The following SLC45A4 variants were observed in gnomAD, a reference collection of about 807,000 sequenced individuals.
SLC45A4 encodes solute carrier family 45 member 4.
In SLC45A4, 32 loss-of-function variants were observed where a neutral mutation model predicts 63.7. The ratio of observed to expected loss-of-function variants is 0.50; its 90% CI spans 0.38 to 0.67. SLC45A4 has a LOEUF of 0.67. Ranked by LOEUF, SLC45A4 falls within the 30% of genes least tolerant of loss-of-function variation. The pLI, the probability that SLC45A4 is intolerant of heterozygous loss-of-function variation, is 0.00. For synonymous variants in SLC45A4, 535 were observed against 510.0 expected (o/e 1.05, Z -0.66); for missense variants, 1,027 against 1,157.7 (o/e 0.89, Z 1.64).
At position 141,218,322 on chromosome 8, in the gene SLC45A4, A is replaced by G. The variant is rs1440466413; in HGVS notation, c.1318T>C (p.Tyr440His). 1.2e-6 allele frequency: 2 copies of G among 1,607,322 alleles called. No individual in the cohort carries two copies. Among genetic ancestry groups the G allele is most frequent in the Non-Finnish European group, 1.7e-6 (2 of 1,179,858 alleles). ...AGCACCACGGCGTTGGCGCGCCGGT[A>G]GCGGTAGCAGTGGGACCCAAGCTTG... ...YGKLGSHCYR[Y>H]RRANAVVLIK... is the part of the protein sequence containing the mutation. The change falls in exon 5 of 9, where the codon TAC (tyrosine) becomes CAC (histidine). Residue 440 changes from tyrosine to histidine, a missense_variant. Coordinates refer to ENST00000517878, the MANE Select transcript of SLC45A4 (RefSeq NM_001286646.2).
intron 2 of SLC45A4, among the ~76,000 whole-genome samples, chr8:141,246,677 G>GCAA: frequency 2.1e-5 from 1 of 47,160 alleles, no homozygotes; most frequent in Non-Finnish European, 4.8e-5. Flanking sequence ...GGGTATCTCA[G>GCAA]GGGTCTCTTA....
chr8:141,271,810 AACAC>A, intron 1 of SLC45A4, among the ~76,000 whole-genome samples: 1 of 149,028 alleles, frequency 6.7e-6, no homozygotes, highest in East Asian at 1.9e-4. Context: ...GTGTGCACAC[AACAC>A]ACACACCACG....
rs528311198 is a variant in SLC45A4, at chr8:141,229,611, G to A, written c.242-7846C>T. On this transcript the variant is annotated intron_variant, in intron 2 of 8. Transcript: ENST00000517878. The surrounding 1 kb of genome is among the most constrained non-coding windows in gnomAD (Gnocchi z 5.0). ...TCTCAACAAGCACGTGGCAGGTGAC[G>A]GCACCCGCAGACCACGGCCTGCACC... is the stretch of plus-strand genomic sequence containing the variant. Among the ~76,000 whole-genome samples, 2 of 152,212 alleles carry A rather than the reference G, an allele frequency of 1.3e-5. No individual in the cohort carries two copies. Among genetic ancestry groups the A allele is most frequent in the Admixed American group, 6.5e-5 (1 of 15,280 alleles).
rs759022110 is a variant in SLC45A4, at chr8:141,219,819, G to A, written c.441C>T (p.Leu147=). The change falls in exon 4 of 9, where the codon CTC becomes CTT. Residue 147 remains leucine, a synonymous_variant. Transcript: ENST00000517878. ...FLNGSAIGLA[L]GDVPNRQPIG... is the part of the protein sequence containing the mutation. ...TGGGCTGCCGGTTGGGGACATCGCC[G>A]AGGGCCAGACCTGCGCAGAGCACAC... 16 of 1,582,074 alleles carry A rather than the reference G, an allele frequency of 1.0e-5. No individual in the cohort carries two copies. Among genetic ancestry groups the A allele is most frequent in the East Asian group, 7.0e-5 (3 of 42,670 alleles).
intron 1 of SLC45A4, among the ~76,000 whole-genome samples, chr8:141,264,840 G>A (rs930500822): frequency 6.6e-6 from 1 of 152,308 alleles, no homozygotes; most frequent in African/African-American, 2.4e-5. Flanking sequence ...CATGACAGCT[G>A]TTAAGTGTTG....
At chr8:141,259,856 G>C (rs1828977073) in intron 1 of SLC45A4, among the ~76,000 whole-genome samples, 1 of 152,218 alleles carries the variant, frequency 6.6e-6, no homozygotes, top group Non-Finnish European at 1.5e-5. Context: ...AGCTTGACAA[G>C]ATTTGTTAAA....
At chr8:141,275,197 G>A (rs932821215) in intron 1 of SLC45A4, among the ~76,000 whole-genome samples, 1 of 152,170 alleles carries the variant, frequency 6.6e-6, no homozygotes, top group African/African-American at 2.4e-5. Context: ...ATAGTTCAGC[G>A]AGCAGCCCCT....
chr8:141,219,173 A>G (rs1826419792), intron 4 of SLC45A4, 144 bp from the exon 5 acceptor site: 1 of 946,408 alleles, frequency 1.1e-6, no homozygotes, highest in East Asian at 2.6e-5. Context: ...AAGCAGTAGG[A>G]AAACAAAACA....
intron 1 of SLC45A4, among the ~76,000 whole-genome samples, chr8:141,303,424 G>A (rs1589870832): frequency 6.7e-6 from 1 of 148,710 alleles, no homozygotes; most frequent in African/African-American, 2.5e-5. Context: ...GCAGGAACGA[G>A]CCTCTGTGCC....
At chr8:141,294,026 G>T (rs2154615325) in intron 1 of SLC45A4, among the ~76,000 whole-genome samples, 1 of 152,282 alleles carries the variant, frequency 6.6e-6, no homozygotes, top group African/African-American at 2.4e-5. Context: ...AACAAGGGTT[G>T]AGACATCTGG....
chr8:141,211,887 G>A, intron 8 of SLC45A4, 190 bp from the exon 9 acceptor site: 1 of 1,255,930 alleles, frequency 8.0e-7, no homozygotes, highest in Non-Finnish European at 1.0e-6. Context: ...AAAACATGCA[G>A]AATAATACAC....
In SLC45A4 at chr8:141,212,265, C is replaced by T. The variant is rs549733549; in HGVS notation, c.2233G>A (p.Glu745Lys). ...AGEGRAGGNS[E>K]KPTVLKLTRK... ...GTGAGCTTCAGCACGGTGGGCTTTT[C>T]GCTGTTCCCACCGGCCCTGCCTTCG... is the stretch of plus-strand genomic sequence containing the variant. Residue 745 changes from glutamate (E) to lysine (K), a missense_variant, in exon 8 of 9, where the codon GAA becomes AAA. By Grantham distance (56) the Glu-to-Lys change is moderately conservative. Coordinates refer to ENST00000517878, the MANE Select transcript of SLC45A4 (RefSeq NM_001286646.2). The T allele has an allele frequency of 2.7e-5, 43 of 1,593,704 alleles. No homozygotes were observed. The highest frequency in any genetic ancestry group is 2.5e-4 in the African/African-American group (19 of 74,528).
chr8:141,212,622 C>A, intron 7 of SLC45A4, 66 bp from the exon 8 acceptor site: 1 of 1,497,456 alleles, frequency 6.7e-7, no homozygotes, highest in African/African-American at 1.4e-5. Context: ...TGCTTCACAA[C>A]TGTGAGTATT....
At chr8:141,267,042 C>A (rs901028669) in intron 1 of SLC45A4, among the ~76,000 whole-genome samples, 1 of 152,242 alleles carries the variant, frequency 6.6e-6, no homozygotes, top group South Asian at 2.1e-4. Context: ...CCCAGGACAG[C>A]GGTGGGCAGG....
chr8:141,233,590 G>A (rs1243036156), intron 2 of SLC45A4, among the ~76,000 whole-genome samples: 1 of 152,174 alleles, frequency 6.6e-6, no homozygotes, highest in Non-Finnish European at 1.5e-5. Flanking sequence ...GGGAGGCTGA[G>A]GCACAAGCAT....
intron 2 of SLC45A4, among the ~76,000 whole-genome samples, chr8:141,251,589 C>T (rs1443430761): frequency 6.6e-5 from 10 of 152,106 alleles, no homozygotes; most frequent in African/African-American, 1.4e-4. Context: ...GTGCGAGCTG[C>T]GCCCGGTCTC....
chr8:141,207,466 T>C lies in SLC45A4; in HGVS notation c.*4106A>G, dbSNP rs1825579925. 3.3e-5 allele frequency: 5 copies of C among 152,210 alleles called. No individual in the cohort carries two copies. Among genetic ancestry groups the C allele is most frequent in the Admixed American group, 2.0e-4 (3 of 15,282 alleles). 9.4% of individuals were successfully genotyped at this position (152,210 alleles called of 1,614,324 possible). On this transcript the variant is annotated 3_prime_UTR_variant, in exon 9 of 9. Transcript: ENST00000517878. ...ACCTCTCTCTCCTAAAACGTAACAT[T>C]ATGTGTTTAACACACGCTTACCACC...
At chr8:141,289,997 C>A (rs1205718930) in intron 1 of SLC45A4, among the ~76,000 whole-genome samples, 1 of 152,136 alleles carries the variant, frequency 6.6e-6, no homozygotes, top group Non-Finnish European at 1.5e-5. Flanking sequence ...CAGAGAACTC[C>A]AACACCCAGA....
intron 2 of SLC45A4, among the ~76,000 whole-genome samples, chr8:141,250,170 T>C (rs1828398007): frequency 6.6e-6 from 1 of 152,234 alleles, no homozygotes; most frequent in South Asian, 2.1e-4. Context: ...TGTAGTAAAG[T>C]ACATACGCAG....
Sources: gnomAD v4.1 joint callset for allele counts (sites outside exome capture counted in the v4.1 genomes callset) on GRCh38, gnomAD v4.1.1 for gene constraint, Gnocchi (gnomAD v3.1) non-coding constraint, MANE v1.5 for transcripts, NCBI Gene and HGNC (gene_info 2026-07-23, HGNC 2026-07-21) for gene names.